Variants in LHFPL2 observed in about 807,000 individuals in gnomAD.
The protein encoded by LHFPL2 is LHFPL tetraspan subfamily member 2, also known as LHFPL tetraspan subfamily member 2 protein.
A neutral mutation model predicts 17.5 loss-of-function variants in LHFPL2; 7 were observed. That is an observed-to-expected ratio of 0.40 (90% CI 0.23 to 0.75). LHFPL2 has a LOEUF of 0.75. Ranked by LOEUF, LHFPL2 falls within the 30% of genes least tolerant of loss-of-function variation. The probability of loss-of-function intolerance (pLI) is 0.37; values close to 1 mark genes in which losing one functional copy is unlikely to be tolerated. For missense variants in LHFPL2, 241 were observed against 294.8 expected, an observed-to-expected ratio of 0.82 and a Z score of 1.34; for synonymous variants, 134 against 116.2, an observed-to-expected ratio of 1.15 and a Z score of -0.99.
chr5:78,509,057 C>T (rs1025717467), intron 4 of LHFPL2, among the ~76,000 whole-genome samples: 1 of 152,208 alleles, frequency 6.6e-6, no homozygotes, highest in African/African-American at 2.4e-5. Context: ...TTTCCTGCAG[C>T]TCACAACCTT....
At chr5:78,629,205 G>A (rs1386887777) in intron 2 of LHFPL2, among the ~76,000 whole-genome samples, 2 of 152,186 alleles carry the variant, frequency 1.3e-5, no homozygotes, top group African/African-American at 2.4e-5. Flanking sequence ...ACAGGAAACA[G>A]TCATTTCTTA....
chr5:78,545,583 G>A (rs963140649), intron 3 of LHFPL2, among the ~76,000 whole-genome samples: 8 of 152,186 alleles, frequency 5.3e-5, no homozygotes, highest in Admixed American at 1.3e-4. Context: ...TCACTACAGC[G>A]TTCATCTTGT....
At chr5:78,604,605 G>A (rs533531000) in intron 2 of LHFPL2, among the ~76,000 whole-genome samples, 1 of 152,166 alleles carries the variant, frequency 6.6e-6, no homozygotes, top group Non-Finnish European at 1.5e-5. Context: ...AGTTCAAACA[G>A]AGAATAATAA....
At chr5:78,507,940 A>G in intron 4 of LHFPL2, among the ~76,000 whole-genome samples, 1 of 62,654 alleles carries the variant, frequency 1.6e-5, no homozygotes, top group East Asian at 5.3e-4. Flanking sequence ...ATACACATGC[A>G]TACACACACA....
intron 4 of LHFPL2, among the ~76,000 whole-genome samples, chr5:78,509,031 T>C (rs959993737): frequency 6.6e-6 from 1 of 152,240 alleles, no homozygotes; most frequent in South Asian, 2.1e-4. Flanking sequence ...ACGAAAATAC[T>C]GGTAGCAGTG....
intron 4 of LHFPL2, among the ~76,000 whole-genome samples, chr5:78,509,399 T>G (rs994312348): frequency 6.6e-6 from 1 of 152,226 alleles, no homozygotes; most frequent in Admixed American, 6.5e-5. Flanking sequence ...AAGTGCTTGC[T>G]GCAGGTGGGA....
At chr5:78,647,948 C>T (rs1464533988) in intron 1 of LHFPL2, among the ~76,000 whole-genome samples, 4 of 152,204 alleles carry the variant, frequency 2.6e-5, no homozygotes, top group African/African-American at 9.6e-5. Context: ...CACTCCACGC[C>T]CACCTCTTCC....
At chr5:78,623,499 A>G (rs575836247) in intron 2 of LHFPL2, among the ~76,000 whole-genome samples, 1 of 152,348 alleles carries the variant, frequency 6.6e-6, no homozygotes, top group East Asian at 1.9e-4. Flanking sequence ...ATTGCATTGA[A>G]ACTATGTCAC....
intron 1 of LHFPL2, chr5:78,644,512 AT>A: frequency 3.3e-6 from 2 of 599,370 alleles, no homozygotes; most frequent in South Asian, 2.0e-5. Flanking sequence ...TTCTGCTTTG[AT>A]TTTTGGGCGA....
chr5:78,638,915 T>C (rs466825), intron 1 of LHFPL2, among the ~76,000 whole-genome samples: 55,377 of 152,082 alleles, frequency 0.36, 10,251 homozygotes, highest in Non-Finnish European at 0.41. Flanking sequence ...AAAAATCAAA[T>C]ATACACATCC....
chr5:78,584,103 G>A (rs190627006), intron 2 of LHFPL2, among the ~76,000 whole-genome samples: 2,036 of 150,472 alleles, frequency 0.014, 13 homozygotes, highest in Non-Finnish European at 0.02. Context: ...CATTCTTCAC[G>A]TAGTTCTCGA....
chr5:78,541,832 C>A (rs568980088), intron 3 of LHFPL2, among the ~76,000 whole-genome samples: 146 of 152,306 alleles, frequency 9.6e-4, no homozygotes, highest in Non-Finnish European at 1.7e-3. Flanking sequence ...GGAGTGCCTG[C>A]GACCTGATTA....
chr5:78,602,681 C>G (rs1036881006), intron 2 of LHFPL2, among the ~76,000 whole-genome samples: 2 of 152,162 alleles, frequency 1.3e-5, no homozygotes, highest in African/African-American at 4.8e-5. Context: ...AACAGGACAC[C>G]TAGAGCCCAA....
chr5:78,513,515 C>T (rs951882251), intron 3 of LHFPL2, among the ~76,000 whole-genome samples: 2 of 152,150 alleles, frequency 1.3e-5, no homozygotes, highest in Non-Finnish European at 2.9e-5. Flanking sequence ...AGTGGTGATA[C>T]GCAAGGCTGA....
intron 1 of LHFPL2, among the ~76,000 whole-genome samples, chr5:78,643,622 G>T (rs1277230451): frequency 6.6e-6 from 1 of 151,852 alleles, no homozygotes; most frequent in Non-Finnish European, 1.5e-5. Flanking sequence ...ATTCACATAA[G>T]CTGCATCAGA....
chr5:78,640,386 A>G (rs1053110465), intron 1 of LHFPL2, among the ~76,000 whole-genome samples: 1 of 152,214 alleles, frequency 6.6e-6, no homozygotes, highest in African/African-American at 2.4e-5. Flanking sequence ...AAGCTGCCCC[A>G]TTCTGGATTT....
intron 1 of LHFPL2, among the ~76,000 whole-genome samples, chr5:78,645,550 A>G (rs1013489088): frequency 2.6e-4 from 8 of 30,254 alleles, no homozygotes; most frequent in African/African-American, 9.6e-4. Flanking sequence ...GCATACACAC[A>G]CACACACACA....
At chr5:78,599,360 C>A (rs970432036) in intron 2 of LHFPL2, among the ~76,000 whole-genome samples, 10 of 152,104 alleles carry the variant, frequency 6.6e-5, no homozygotes, top group Non-Finnish European at 1.3e-4. Context: ...AGTGCAGTGG[C>A]TCAATCTCGG....
chr5:78,503,664 C>T (rs1290725064), intron 4 of LHFPL2, among the ~76,000 whole-genome samples: 1 of 152,072 alleles, frequency 6.6e-6, no homozygotes, highest in East Asian at 1.9e-4. Context: ...AGCCATTGCA[C>T]TCCAGCCTGG....
Sources: allele counts gnomAD v4.1 joint callset (sites outside exome capture counted in the v4.1 genomes callset), GRCh38; gene constraint gnomAD v4.1.1; transcripts MANE v1.5; gene names NCBI Gene and HGNC (gene_info 2026-07-23, HGNC 2026-07-21).